The following CHSY1 variants were observed in gnomAD, a reference collection of about 807,000 sequenced individuals.
CHSY1 encodes the protein N-acetylgalactosaminyl-proteoglycan 3-beta-glucuronosyltransferase 1.
A neutral mutation model predicts 59.8 loss-of-function variants in CHSY1; 13 were observed. The observed-to-expected ratio is 0.22, with a 90% CI of 0.14 to 0.35. The LOEUF (loss-of-function observed/expected upper bound fraction) is 0.35. Among genes scored for constraint, CHSY1 ranks in the 10% least tolerant of loss-of-function variants. The pLI, the probability that CHSY1 is intolerant of heterozygous loss-of-function variation, is 1.00. For missense variants in CHSY1, 947 were observed against 1,030.6 expected (o/e 0.92, Z 1.11); for synonymous variants, 459 against 401.2 (o/e 1.14, Z -1.72).
At position 101,251,994 on chromosome 15, in the gene CHSY1, A is replaced by G. The variant is rs1391298030; in HGVS notation, c.-538T>C. The G allele has an allele frequency of 3.3e-5, 5 of 149,966 alleles. No homozygotes were observed. The highest frequency in any genetic ancestry group is 9.8e-5 in the African/African-American group (4 of 40,764). 9.3% of individuals were successfully genotyped at this position (149,966 alleles called of 1,614,324 possible). On this transcript the variant is annotated 5_prime_UTR_variant, in exon 1 of 3. Transcript: ENST00000254190. ...TTATGAAGTGGCCCCGCCGGCGGCGAGCCGTGGCCCCTCTCGGGATCCGTC... is the reference window on the plus strand; with the variant it reads ...TTATGAAGTGGCCCCGCCGGCGGCGGGCCGTGGCCCCTCTCGGGATCCGTC...
intron 1 of CHSY1, among the ~76,000 whole-genome samples, chr15:101,236,811 C>A (rs982337529): frequency 6.6e-6 from 1 of 151,948 alleles, no homozygotes; most frequent in Non-Finnish European, 1.5e-5. Context: ...GGAGACAGAG[C>A]AAGACTCTGT....
intron 2 of CHSY1, among the ~76,000 whole-genome samples, chr15:101,198,850 C>G: frequency 6.6e-6 from 1 of 152,304 alleles, no homozygotes; most frequent in Middle Eastern, 3.4e-3. Context: ...CAGCTGGGAG[C>G]GAGATCCCAC....
chr15:101,217,051 A>G (rs964860157), intron 2 of CHSY1, among the ~76,000 whole-genome samples: 1 of 152,256 alleles, frequency 6.6e-6, no homozygotes, highest in African/African-American at 2.4e-5. Flanking sequence ...CTGTAAGACT[A>G]AAGGCAAAAG....
intron 2 of CHSY1, among the ~76,000 whole-genome samples, chr15:101,202,605 G>A (rs2038585135): frequency 6.6e-6 from 1 of 150,484 alleles, no homozygotes; most frequent in African/African-American, 2.5e-5. Flanking sequence ...TCTGCAGGAG[G>A]GGCAGTGGGA....
intron 2 of CHSY1, among the ~76,000 whole-genome samples, chr15:101,228,536 A>G (rs946577094): frequency 6.6e-6 from 1 of 152,214 alleles, no homozygotes; most frequent in Non-Finnish European, 1.5e-5. Context: ...ATCAGAAACC[A>G]TGAAGGCCAG....
chr15:101,230,555 T>TA (rs2038883482), intron 2 of CHSY1, among the ~76,000 whole-genome samples: 2 of 152,270 alleles, frequency 1.3e-5, no homozygotes, highest in African/African-American at 2.4e-5. Flanking sequence ...TGAATTTTTT[T>TA]TAAAAAAAGA....
intron 2 of CHSY1, among the ~76,000 whole-genome samples, chr15:101,229,373 G>A (rs565474979): frequency 3.9e-5 from 6 of 152,188 alleles, no homozygotes; most frequent in African/African-American, 1.4e-4. Context: ...GATGAAAAAA[G>A]ATATACCATG....
At chr15:101,191,689 A>C (rs1053240732) in intron 2 of CHSY1, among the ~76,000 whole-genome samples, 2 of 152,020 alleles carry the variant, frequency 1.3e-5, no homozygotes, top group Admixed American at 6.5e-5. Flanking sequence ...CACTTGGGAA[A>C]TCTCTGCACA....
At chr15:101,199,064 T>A (rs1567093168) in intron 2 of CHSY1, among the ~76,000 whole-genome samples, 1 of 152,196 alleles carries the variant, frequency 6.6e-6, no homozygotes, top group Non-Finnish European at 1.5e-5. Flanking sequence ...ACCACTGAGC[T>A]GCTCCCTGCT....
At chr15:101,208,872 T>C (rs1456417653) in intron 2 of CHSY1, among the ~76,000 whole-genome samples, 1 of 152,184 alleles carries the variant, frequency 6.6e-6, no homozygotes, top group African/African-American at 2.4e-5. Context: ...AGCACACACA[T>C]AAGTAAATGG....
At position 101,187,373 on chromosome 15, in the gene CHSY1, G is replaced by C. The variant is rs550327060; in HGVS notation, c.817-8393C>G. On this transcript the variant is annotated intron_variant, in intron 2 of 2. Coordinates refer to ENST00000254190, the MANE Select transcript of CHSY1 (RefSeq NM_014918.5). ...GTGTGCCTGTAGTCCCAGCTACTCG[G>C]GAGGGTGAGGTGGGAGAATCGCTTG... Among the ~76,000 whole-genome samples, 16 of 152,154 alleles carry C rather than the reference G, an allele frequency of 1.1e-4. No homozygotes were observed. In the South Asian group the frequency reaches 3.3e-3, roughly 32 times the overall value.
chr15:101,179,859 G>A (rs1370358216), intron 2 of CHSY1, among the ~76,000 whole-genome samples: 1 of 152,264 alleles, frequency 6.6e-6, no homozygotes, highest in Non-Finnish European at 1.5e-5. Context: ...CTCAAGTTAG[G>A]AAGGGAATGT....
At chr15:101,236,349 T>C (rs1481791145) in intron 1 of CHSY1, among the ~76,000 whole-genome samples, 1 of 152,046 alleles carries the variant, frequency 6.6e-6, no homozygotes, top group Non-Finnish European at 1.5e-5. Context: ...GGGGGCAGCT[T>C]CCCCCACACT....
chr15:101,242,554 TAC>T (rs1378124826), intron 1 of CHSY1: 2 of 152,264 alleles, frequency 1.3e-5, no homozygotes, highest in Non-Finnish European at 2.9e-5. Context: ...TTACAGGAAG[TAC>T]AGTGTGATGG....
At chr15:101,212,832 A>G (rs970859742) in intron 2 of CHSY1, among the ~76,000 whole-genome samples, 36 of 152,240 alleles carry the variant, frequency 2.4e-4, no homozygotes, top group African/African-American at 8.7e-4. Context: ...CACTTGAAGG[A>G]AAGTGTACCA....
intron 1 of CHSY1, among the ~76,000 whole-genome samples, chr15:101,240,902 T>C (rs886717076): frequency 2.6e-5 from 4 of 152,218 alleles, no homozygotes; most frequent in African/African-American, 9.6e-5. Flanking sequence ...ACTGCATCTA[T>C]AGCATGACTC....
intron 2 of CHSY1, among the ~76,000 whole-genome samples, chr15:101,216,986 T>G (rs1264175544): frequency 6.6e-6 from 1 of 152,184 alleles, no homozygotes; most frequent in Admixed American, 6.5e-5. Flanking sequence ...ACAATCTCAC[T>G]GAAGTGGGCA....
chr15:101,219,826 G>A (rs1410328574), intron 2 of CHSY1, among the ~76,000 whole-genome samples: 1 of 152,186 alleles, frequency 6.6e-6, no homozygotes, highest in African/African-American at 2.4e-5. Flanking sequence ...GAGTGCAATG[G>A]CGTGATCTTG....
intron 2 of CHSY1, among the ~76,000 whole-genome samples, chr15:101,216,020 C>T (rs918727763): frequency 2.6e-5 from 4 of 152,036 alleles, no homozygotes; most frequent in Non-Finnish European, 5.9e-5. Context: ...TTTCCATATG[C>T]TCATTAGTCA....
Sources: allele counts gnomAD v4.1 joint callset (sites outside exome capture counted in the v4.1 genomes callset), GRCh38; gene constraint gnomAD v4.1.1; transcripts MANE v1.5; gene names NCBI Gene and HGNC (gene_info 2026-07-23, HGNC 2026-07-21).